MTUS2: variants seen among roughly 807,000 people sequenced by gnomAD.
MTUS2 encodes the protein microtubule-associated tumor suppressor candidate 2.
A neutral mutation model predicts 114.1 loss-of-function variants in MTUS2; 40 were observed. The observed-to-expected ratio is 0.35, with a 90% CI of 0.27 to 0.46. MTUS2 has a LOEUF of 0.46. MTUS2 is among the 20% of genes least tolerant of loss of function. The pLI is 1.00. For missense variants in MTUS2, 1,679 were observed against 1,705.4 expected (o/e 0.98, Z 0.27); for synonymous variants, 688 against 672.0 (o/e 1.02, Z -0.37).
chr13:29,195,542 A>G (rs35390627), intron 5 of MTUS2, among the ~76,000 whole-genome samples: 10,790 of 138,818 alleles, frequency 0.078, 495 homozygotes, highest in African/African-American at 0.14. Flanking sequence ...TAATTCTGAA[A>G]AAAAAAAAAA....
At chr13:29,151,301 A>G (rs1246183838) in intron 5 of MTUS2, among the ~76,000 whole-genome samples, 2 of 152,022 alleles carry the variant, frequency 1.3e-5, no homozygotes, top group African/African-American at 4.8e-5. Context: ...TTTTGTGACT[A>G]TTGTAAGTGG....
intron 4 of MTUS2, among the ~76,000 whole-genome samples, chr13:29,052,459 C>CAAAAAA (rs11325314): frequency 2.5e-3 from 237 of 94,392 alleles, no homozygotes; most frequent in Non-Finnish European, 2.9e-3. Flanking sequence ...CTAGCCTGAG[C>CAAAAAA]AAAAAAAAAA....
chr13:28,851,835 C>T (rs1428835119), intron 2 of MTUS2, among the ~76,000 whole-genome samples: 7 of 152,124 alleles, frequency 4.6e-5, no homozygotes, highest in Admixed American at 4.6e-4. Context: ...CCAGCTTGGC[C>T]TGGGGCACCG....
chr13:28,985,917 C>T (rs1428839810), intron 2 of MTUS2, among the ~76,000 whole-genome samples: 1 of 152,160 alleles, frequency 6.6e-6, no homozygotes, highest in Non-Finnish European at 1.5e-5. Flanking sequence ...TGGTTTCCAG[C>T]CCGATGGCCC....
chr13:28,970,640 A>G lies in MTUS2; in HGVS notation c.-242-53817A>G, dbSNP rs561742796. 1.2e-4 allele frequency among the ~76,000 whole-genome samples: 19 copies of G among 152,360 alleles called. No homozygotes were observed. In the South Asian group the frequency reaches 3.7e-3, roughly 30 times the overall value. On this transcript the variant is annotated intron_variant, in intron 2 of 15. Transcript: ENST00000612955. ...TGAAGGCTTGACCTTACTGTGAAACAATATCTTTTATGCAAGAAATGCTTA... is the reference window on the plus strand; with the variant it reads ...TGAAGGCTTGACCTTACTGTGAAACGATATCTTTTATGCAAGAAATGCTTA...
intron 8 of MTUS2, among the ~76,000 whole-genome samples, chr13:29,398,047 A>G (rs973752218): frequency 6.6e-6 from 1 of 152,238 alleles, no homozygotes; most frequent in Admixed American, 6.5e-5. Context: ...AATAGAGCAA[A>G]AACCATCTGT....
intron 8 of MTUS2, among the ~76,000 whole-genome samples, chr13:29,436,039 CACAG>C (rs1263068606): frequency 6.6e-6 from 1 of 152,208 alleles, no homozygotes; most frequent in Non-Finnish European, 1.5e-5. Context: ...ACACCCAGGA[CACAG>C]ACAGGCAGTT....
chr13:29,344,054 A>G (rs929075466), intron 7 of MTUS2, among the ~76,000 whole-genome samples: 2 of 151,976 alleles, frequency 1.3e-5, no homozygotes, highest in African/African-American at 4.8e-5. Context: ...ATTTATTGAG[A>G]CTTCTTTTGT....
chr13:28,875,771 T>C (rs187752622), intron 2 of MTUS2, among the ~76,000 whole-genome samples: 1 of 152,348 alleles, frequency 6.6e-6, no homozygotes, highest in Admixed American at 6.5e-5. Flanking sequence ...TTATTGATGT[T>C]AAGGATATAT....
At chr13:29,353,155 A>C (rs1053655019) in intron 7 of MTUS2, among the ~76,000 whole-genome samples, 10 of 152,032 alleles carry the variant, frequency 6.6e-5, no homozygotes, top group African/African-American at 2.4e-4. Flanking sequence ...TTCCTTTATG[A>C]GTATTGGATA....
chr13:29,069,301 AGATTCCAGTCT>A (rs1888802135), intron 4 of MTUS2, among the ~76,000 whole-genome samples: 1 of 152,216 alleles, frequency 6.6e-6, no homozygotes, highest in East Asian at 1.9e-4. Flanking sequence ...CCAATGGTAT[AGATTCCAGTCT>A]GAGTCTGCAG....
At chr13:28,829,497 A>G (rs1233455957) in intron 1 of MTUS2, among the ~76,000 whole-genome samples, 1 of 151,922 alleles carries the variant, frequency 6.6e-6, no homozygotes, top group African/African-American at 2.4e-5. Context: ...GCGCCACTGA[A>G]CTCCAGCCTG....
At chr13:28,880,317 A>C (rs545379832) in intron 2 of MTUS2, among the ~76,000 whole-genome samples, 1 of 152,360 alleles carries the variant, frequency 6.6e-6, no homozygotes, top group East Asian at 1.9e-4. Flanking sequence ...CATTTTATTA[A>C]GATCAGAACA....
intron 5 of MTUS2, among the ~76,000 whole-genome samples, chr13:29,170,178 G>A (rs1893498099): frequency 8.7e-4 from 1 of 1,156 alleles, no homozygotes; most frequent in Non-Finnish European, 4.2e-3. Flanking sequence ...AGGAGGTGGA[G>A]GAAAACATAC....
chr13:29,207,350 A>G (rs1447317122), intron 5 of MTUS2, among the ~76,000 whole-genome samples: 2 of 152,148 alleles, frequency 1.3e-5, no homozygotes, highest in Admixed American at 1.3e-4. Context: ...TTCTAGGTAT[A>G]CCATTATATC....
intron 5 of MTUS2, among the ~76,000 whole-genome samples, chr13:29,131,320 C>G (rs1390012261): frequency 1.3e-5 from 2 of 152,222 alleles, no homozygotes. Flanking sequence ...GTTTTGAATC[C>G]CAGTCTTACT....
chr13:28,875,757 CTATT>C (rs1189170850), intron 2 of MTUS2, among the ~76,000 whole-genome samples: 2 of 152,056 alleles, frequency 1.3e-5, no homozygotes, highest in Non-Finnish European at 2.9e-5. Context: ...AAAATGGTTT[CTATT>C]TATTGATGTT....
intron 5 of MTUS2, among the ~76,000 whole-genome samples, chr13:29,198,663 A>T (rs1161415405): frequency 1.3e-5 from 2 of 152,174 alleles, no homozygotes; most frequent in East Asian, 1.9e-4. Flanking sequence ...TTTGGAAAGT[A>T]TGGCCATTTT....
At chr13:28,823,505 A>G (rs57056806) in intron 1 of MTUS2, among the ~76,000 whole-genome samples, 7,752 of 152,164 alleles carry the variant, frequency 0.051, 277 homozygotes, top group African/African-American at 0.098. Context: ...TTGTCTATCA[A>G]TTACCCATCC....
Sources: gnomAD v4.1 joint callset for allele counts (sites outside exome capture counted in the v4.1 genomes callset) on GRCh38, gnomAD v4.1.1 for gene constraint, MANE v1.5 for transcripts, NCBI Gene and HGNC (gene_info 2026-07-23, HGNC 2026-07-21) for gene names.